STOML3: variants seen among roughly 807,000 people sequenced by gnomAD.
The protein encoded by STOML3 is stomatin like 3.
A neutral mutation model predicts 29.5 loss-of-function variants in STOML3; 31 were observed. The observed-to-expected ratio is 1.05, with a 90% confidence interval of 0.79 to 1.42. The LOEUF (loss-of-function observed/expected upper bound fraction) is 1.42. STOML3 is among the 40% of genes most tolerant of loss of function. STOML3 has a pLI of 0.00. For missense variants in STOML3, 380 were observed against 363.0 expected (o/e 1.05, Z -0.38); for synonymous variants, 122 against 139.8 (o/e 0.87, Z 0.90).
At chr13:38,980,081 C>T (rs1475152351) in intron 1 of STOML3, 4 of 1,551,596 alleles carry the variant, frequency 2.6e-6, no homozygotes, top group Non-Finnish European at 3.5e-6. Flanking sequence ...GTTCATCAAG[C>T]CCTTGCATCA....
Position 38,972,507 on chromosome 13 carries a change from A to G in STOML3, c.312+5T>C, listed in dbSNP as rs1880910235. The G allele has an allele frequency of 1.2e-6, 2 of 1,612,932 alleles. No individual in the cohort carries two copies. Among genetic ancestry groups the G allele is most frequent in the Middle Eastern group, 1.7e-4 (1 of 6,060 alleles). Reference sequence around the variant, plus strand: ...TTCGAGTGACATATCCTTAATCAGTACTACCTCTTGTGGAGGAATGTTGCA... The same window carrying G: ...TTCGAGTGACATATCCTTAATCAGTGCTACCTCTTGTGGAGGAATGTTGCA... On this transcript the variant is annotated splice_donor_5th_base_variant and intron_variant, in intron 4 of 6. Transcript: ENST00000379631.
intron 4 of STOML3, among the ~76,000 whole-genome samples, chr13:38,971,234 T>C (rs1420734931): frequency 1.3e-5 from 2 of 152,146 alleles, no homozygotes; most frequent in African/African-American, 4.8e-5. Flanking sequence ...GGTTTCGCCA[T>C]GTTGGCCAGG....
At chr13:38,985,235 C>T (rs2138024674) in intron 1 of STOML3, among the ~76,000 whole-genome samples, 1 of 152,164 alleles carries the variant, frequency 6.6e-6, no homozygotes, top group Admixed American at 6.5e-5. Context: ...ACCAGCCTGG[C>T]CAACATGGTG....
chr13:38,974,458 T>C (rs938996348), intron 3 of STOML3, among the ~76,000 whole-genome samples: 1 of 152,120 alleles, frequency 6.6e-6, no homozygotes, highest in South Asian at 2.1e-4. Context: ...CCCAACCTAC[T>C]ACCTAGTAGC....
rs1419863530 is a variant in STOML3, at chr13:38,966,442, C to T, written c.*383G>A. 1 of 150,982 alleles carries T rather than the reference C, an allele frequency of 6.6e-6. No individual in the cohort carries two copies. The highest frequency in any genetic ancestry group is 2.6e-5 in the African/African-American group (1 of 39,014). 9.4% of individuals were successfully genotyped at this position (150,982 alleles called of 1,614,324 possible). On this transcript the variant is annotated 3_prime_UTR_variant, in exon 7 of 7. Transcript: ENST00000379631. The stretch of plus-strand genomic sequence containing the variant: ...GCGAACATATAGTGTAAATATGAGG[C>T]CTATGTTACTCTATAAATTATCTGG...
chr13:38,987,751 G>T (rs1868644345), intron 1 of STOML3, among the ~76,000 whole-genome samples: 2 of 113,424 alleles, frequency 1.8e-5, no homozygotes, highest in Non-Finnish European at 3.4e-5. Flanking sequence ...AAAATATATA[G>T]TATGTATATT....
intron 1 of STOML3, 34 bp downstream of exon 1, chr13:38,990,636 A>G (rs373059337): frequency 3.7e-6 from 6 of 1,612,166 alleles, no homozygotes; most frequent in Non-Finnish European, 5.1e-6. Flanking sequence ...CATATATGTA[A>G]AAAACAAGCC....
intron 1 of STOML3, among the ~76,000 whole-genome samples, chr13:38,987,823 T>TA (rs1868656165): frequency 2.2e-5 from 2 of 90,416 alleles, no homozygotes; most frequent in South Asian, 5.9e-4. Context: ...ATATTATATT[T>TA]TATATAATAT....
rs187354967 is a variant in STOML3 at position 38,983,122 on chromosome 13, G to T, written c.53-6325C>A. On this transcript the variant is annotated intron_variant, in intron 1 of 6. Coordinates refer to ENST00000379631, the MANE Select transcript of STOML3 (RefSeq NM_145286.3). Reference sequence around the variant, plus strand: ...CCCTCAAAATCATCTTCAGAGAAAGGCATAAACTTTGACAAATAAACCTCC... The same window carrying T: ...CCCTCAAAATCATCTTCAGAGAAAGTCATAAACTTTGACAAATAAACCTCC... Among the ~76,000 whole-genome samples the T allele has an allele frequency of 4.3e-3, 656 of 152,114 alleles. 3 individuals are homozygous for T. Among genetic ancestry groups the T allele is most frequent in the Middle Eastern group, 0.031 (9 of 294 alleles).
intron 1 of STOML3, among the ~76,000 whole-genome samples, chr13:38,984,739 T>G (rs1868441514): frequency 3.3e-5 from 5 of 152,188 alleles, no homozygotes. Flanking sequence ...TCAGAATGTA[T>G]CCTCATTGTT....
At chr13:38,970,092 T>C in intron 5 of STOML3, 93 bp downstream of exon 5, 1 of 1,153,646 alleles carries the variant, frequency 8.7e-7, no homozygotes. Context: ...ATGCATGTGG[T>C]GGGGGATGCT....
intron 1 of STOML3, among the ~76,000 whole-genome samples, chr13:38,978,641 T>C (rs909261699): frequency 1.3e-5 from 2 of 152,164 alleles, no homozygotes; most frequent in Admixed American, 6.5e-5. Context: ...GCCTTCACCA[T>C]CCACCCCTTT....
intron 1 of STOML3, among the ~76,000 whole-genome samples, chr13:38,983,924 T>C (rs995820054): frequency 6.6e-6 from 1 of 152,190 alleles, no homozygotes; most frequent in African/African-American, 2.4e-5. Flanking sequence ...AAATAATGCA[T>C]TGAATACCTT....
At chr13:38,983,686 T>A (rs983330485) in intron 1 of STOML3, among the ~76,000 whole-genome samples, 5 of 152,188 alleles carry the variant, frequency 3.3e-5, no homozygotes, top group African/African-American at 9.7e-5. Context: ...ATGATGATCT[T>A]ATTATCTACG....
At position 38,982,099 on chromosome 13, in the gene STOML3, C is replaced by T. The variant is rs184039940; in HGVS notation, c.53-5302G>A. 1.0e-3 allele frequency among the ~76,000 whole-genome samples: 153 copies of T among 152,116 alleles called. 1 individual carries two copies. The highest frequency in any genetic ancestry group is 1.9e-3 in the Non-Finnish European group (129 of 67,992). On this transcript the variant is annotated intron_variant, in intron 1 of 6. Transcript: ENST00000379631. ...TCAGCAAGAAAAAAAGACAAAACTACGGCTGTATGTAAAATATGGATGAAT... is the reference window on the plus strand; with the variant it reads ...TCAGCAAGAAAAAAAGACAAAACTATGGCTGTATGTAAAATATGGATGAAT...
At chr13:38,972,257 T>C (rs1880897654) in intron 4 of STOML3, among the ~76,000 whole-genome samples, 1 of 152,182 alleles carries the variant, frequency 6.6e-6, no homozygotes, top group African/African-American at 2.4e-5. Flanking sequence ...ATCTCTGCTG[T>C]CAGGCTTTCT....
At chr13:38,988,314 A>ATGATATTTTATATC (rs1868753121) in intron 1 of STOML3, among the ~76,000 whole-genome samples, 1 of 68,440 alleles carries the variant, frequency 1.5e-5, no homozygotes, top group African/African-American at 7.7e-5. Context: ...TTTTATATAT[A>ATGATATTTTATATC]ATATATTATA....
At chr13:38,983,362 TC>T (rs1881331428) in intron 1 of STOML3, among the ~76,000 whole-genome samples, 1 of 152,228 alleles carries the variant, frequency 6.6e-6, no homozygotes, top group Non-Finnish European at 1.5e-5. Flanking sequence ...AATAAAGTCT[TC>T]CTTGGCCATT....
chr13:38,989,737 T>G (rs9576673), intron 1 of STOML3, among the ~76,000 whole-genome samples: 21,993 of 152,192 alleles, frequency 0.14, 1,907 homozygotes, highest in African/African-American at 0.23. Flanking sequence ...GCTCAAGTGA[T>G]CTGCCTGCCT....
Sources: allele counts gnomAD v4.1 joint callset (sites outside exome capture counted in the v4.1 genomes callset), GRCh38; gene constraint gnomAD v4.1.1; transcripts MANE v1.5; gene names NCBI Gene and HGNC (gene_info 2026-07-23, HGNC 2026-07-21).